The following KNTC1 variants were observed in gnomAD, a reference collection of about 807,000 sequenced individuals.
KNTC1 encodes the protein kinetochore-associated protein 1.
KNTC1 carries 253 observed loss-of-function variants against 314.4 expected under a neutral mutation model. That is an observed-to-expected ratio of 0.80 (90% CI 0.73 to 0.89). The LOEUF (loss-of-function observed/expected upper bound fraction) is 0.89. Ranked by LOEUF, KNTC1 falls within the 40% of genes least tolerant of loss-of-function variation. The pLI, the probability that KNTC1 is intolerant of heterozygous loss-of-function variation, is 0.00. For synonymous variants in KNTC1, 901 were observed against 901.4 expected (o/e 1.00, Z 0.01); for missense variants, 2,475 against 2,572.9 (o/e 0.96, Z 0.82).
intron 53 of KNTC1, among the ~76,000 whole-genome samples, chr12:122,612,277 G>T (rs557150333): frequency 2.0e-5 from 3 of 151,736 alleles, no homozygotes; most frequent in Non-Finnish European, 4.4e-5. Flanking sequence ...TGTTGGCCAG[G>T]CTGGTCTCGA....
chr12:122,536,122 C>G (rs1199993596), intron 3 of KNTC1, among the ~76,000 whole-genome samples: 5 of 149,916 alleles, frequency 3.3e-5, no homozygotes, highest in Admixed American at 6.7e-5. Flanking sequence ...CCAGGATGGT[C>G]TCGATCTCCT....
rs1360831724 is a variant in KNTC1 at position 122,618,386 on chromosome 12, C to A, written c.6074C>A (p.Pro2025Gln). Reference protein sequence around the residue: ...SKAWQRVIQIPLLSASCPLSP... With the variant: ...SKAWQRVIQIQLLSASCPLSP... ...GCGTGGCAGCGTGTGATACAGATAC[C>A]ACTGCTTTCAGGTATTTCGCTCTCT... Residue 2025 changes from proline to glutamine, a missense_variant, in exon 58 of 64, where the codon CCA becomes CAA. By Grantham distance (76) the Pro-to-Gln change is moderately conservative (BLOSUM62 -1). Coordinates refer to ENST00000333479, the MANE Select transcript of KNTC1 (RefSeq NM_014708.6). The A allele has an allele frequency of 6.2e-7, 1 of 1,613,640 alleles. No homozygotes were observed. Among genetic ancestry groups the A allele is most frequent in the South Asian group, 1.1e-5 (1 of 91,054 alleles).
rs1391217021 is a variant in KNTC1, at chr12:122,562,632, C to T, written c.1543-6C>T. ...AATTCAGATTATTAAATTATTTTTT[C>T]TTCAGGTGCTAAGAGCTCATGCAAA... On this transcript the variant is annotated splice_polypyrimidine_tract_variant and splice_region_variant and intron_variant, in intron 19 of 63. Coordinates refer to ENST00000333479, the MANE Select transcript of KNTC1 (RefSeq NM_014708.6). 1 of 1,548,458 alleles carries T rather than the reference C, an allele frequency of 6.5e-7. No homozygotes were observed. Among genetic ancestry groups the T allele is most frequent in the African/African-American group, 1.4e-5 (1 of 73,642 alleles).
At chr12:122,625,177 C>T (rs937197342) in intron 63 of KNTC1, among the ~76,000 whole-genome samples, 1 of 152,044 alleles carries the variant, frequency 6.6e-6, no homozygotes, top group African/African-American at 2.4e-5. Flanking sequence ...GGCCAAGGGG[C>T]AGATTACCTG....
chr12:122,622,456 C>G lies in KNTC1; in HGVS notation c.6370-6C>G. On this transcript the variant is annotated splice_region_variant and splice_polypyrimidine_tract_variant and intron_variant, in intron 61 of 63. Transcript: ENST00000333479. ...TCTGATCTTAATGATACCTGTCATTCTATAGATTAGAAGTCTGATTTTGAA... is the reference window on the plus strand; with the variant it reads ...TCTGATCTTAATGATACCTGTCATTGTATAGATTAGAAGTCTGATTTTGAA... 6.4e-7 allele frequency: 1 copy of G among 1,560,738 alleles called. No individual in the cohort carries two copies.
chr12:122,531,645 C>T (rs986327991), intron 2 of KNTC1, among the ~76,000 whole-genome samples: 4 of 152,110 alleles, frequency 2.6e-5, no homozygotes, highest in Non-Finnish European at 4.4e-5. Context: ...ATTTCAAGTG[C>T]AGCATTTCTT....
At chr12:122,550,791 T>G (rs1191558155) in intron 13 of KNTC1, among the ~76,000 whole-genome samples, 1 of 152,194 alleles carries the variant, frequency 6.6e-6, no homozygotes, top group Non-Finnish European at 1.5e-5. Context: ...GTGTGAGCCA[T>G]TGCATCTGGT....
intron 20 of KNTC1, among the ~76,000 whole-genome samples, chr12:122,566,057 C>T (rs1371906154): frequency 6.6e-6 from 1 of 150,714 alleles, no homozygotes; most frequent in Non-Finnish European, 1.5e-5. Context: ...ATTCTCCTGC[C>T]TCAACCTCCT....
At chr12:122,624,808 AT>A in intron 63 of KNTC1, 120 bp downstream of exon 63, 1 of 752,766 alleles carries the variant, frequency 1.3e-6, no homozygotes. Context: ...TGTAACTGTA[AT>A]TTTTATATTT....
rs17883249 is a variant in KNTC1 at position 122,573,216 on chromosome 12, G to T, written c.2214G>T (p.Glu738Asp). ...CAGAGCTTATTCCCTCCATCTTAGA[G>T]AAGTTTATAAGAGTTTACATGAGAG... Reference protein sequence around the residue: ...LAPELIPSILEKFIRVYMREH... With the variant: ...LAPELIPSILDKFIRVYMREH... The change falls in exon 26 of 64, where the codon GAG becomes GAT. Residue 738 changes from glutamate to aspartate, a missense_variant. By Grantham distance (45) the Glu-to-Asp change is conservative. Transcript: ENST00000333479. 6.2e-7 allele frequency: 1 copy of T among 1,613,808 alleles called. No homozygotes were observed. The highest frequency in any genetic ancestry group is 8.5e-7 in the Non-Finnish European group (1 of 1,179,756).
At chr12:122,546,410 A>G (rs544394538) in intron 9 of KNTC1, 141 bp downstream of exon 9, 2 of 668,854 alleles carry the variant, frequency 3.0e-6, no homozygotes, top group South Asian at 1.9e-5. Flanking sequence ...TTGTTCACAT[A>G]CAGAACAGTT....
At position 122,609,440 on chromosome 12, in the gene KNTC1, T is replaced by C. The variant is rs1872884333; in HGVS notation, c.5543+10T>C. 10 of 1,522,118 alleles carry C rather than the reference T, an allele frequency of 6.6e-6. No homozygotes were observed. The highest frequency in any genetic ancestry group is 8.1e-6 in the Non-Finnish European group (9 of 1,111,886). 94.3% of individuals were successfully genotyped at this position (1,522,118 alleles called of 1,614,324 possible). A position where few individuals can be genotyped will look rare whatever the true frequency, so the allele number is the denominator to read the frequency against. On this transcript the variant is annotated intron_variant, in intron 52 of 63. Coordinates refer to ENST00000333479, the MANE Select transcript of KNTC1 (RefSeq NM_014708.6). ...ATGAAGCCCTACGAAGGTACTCTTT[T>C]CCTTTACTTATATTCACCTATATCG...
intron 1 of KNTC1, among the ~76,000 whole-genome samples, chr12:122,528,642 C>T (rs866274858): frequency 1.5e-4 from 23 of 152,294 alleles, no homozygotes; most frequent in Middle Eastern, 6.8e-3. Flanking sequence ...GGTTCCAGGA[C>T]CTCCCACAGA....
intron 46 of KNTC1, 22 bp downstream of exon 46, chr12:122,602,762 A>G (rs1453573357): frequency 1.9e-6 from 3 of 1,612,726 alleles, no homozygotes; most frequent in East Asian, 2.2e-5. Context: ...TTAACTTTTT[A>G]TGAATTTTAC....
chr12:122,581,687 G>T (rs1868413460), intron 33 of KNTC1, among the ~76,000 whole-genome samples: 1 of 151,542 alleles, frequency 6.6e-6, no homozygotes, highest in Non-Finnish European at 1.5e-5. Context: ...TAGAGACGGG[G>T]TTTTGCCATG....
intron 41 of KNTC1, 126 bp from the exon 42 acceptor site, chr12:122,591,211 A>T (rs1870143255): frequency 1.5e-6 from 1 of 679,148 alleles, no homozygotes; most frequent in Admixed American, 2.4e-5. Context: ...TGTGTACAAA[A>T]TAATATGTAA....
At chr12:122,580,741 C>G in intron 33 of KNTC1, 71 bp downstream of exon 33, 2 of 1,041,380 alleles carry the variant, frequency 1.9e-6, no homozygotes, top group Non-Finnish European at 2.8e-6. Context: ...TTAAAGTTTT[C>G]TGTATGGCTG....
chr12:122,548,295 C>A (rs565342020), intron 12 of KNTC1, among the ~76,000 whole-genome samples: 3 of 152,052 alleles, frequency 2.0e-5, no homozygotes, highest in Non-Finnish European at 4.4e-5. Context: ...TGCAACCCCC[C>A]ACCCCCTGGG....
At chr12:122,570,512 C>CA (rs572070934) in intron 22 of KNTC1, among the ~76,000 whole-genome samples, 6,206 of 102,258 alleles carry the variant, frequency 0.061, 168 homozygotes, top group Middle Eastern at 0.081. Flanking sequence ...AACCCTGTCT[C>CA]AAAAAAAAAA....
Sources: gnomAD v4.1 joint callset for allele counts (sites outside exome capture counted in the v4.1 genomes callset) on GRCh38, gnomAD v4.1.1 for gene constraint, MANE v1.5 for transcripts, NCBI Gene and HGNC (gene_info 2026-07-23, HGNC 2026-07-21) for gene names.